HK2: variants seen among roughly 807,000 people sequenced by gnomAD.
HK2 encodes the protein hexokinase 2, also known as hexokinase-2.
HK2 carries 42 observed loss-of-function variants against 92.9 expected under a neutral mutation model. The ratio of observed to expected loss-of-function variants is 0.45; its 90% CI spans 0.35 to 0.58. The LOEUF (loss-of-function observed/expected upper bound fraction) is 0.58, where lower values mean the gene tolerates loss of function less well. Among genes scored for constraint, HK2 ranks in the 20% least tolerant of loss-of-function variants. The pLI is 0.00. For missense variants in HK2, 978 were observed against 1,245.1 expected, an observed-to-expected ratio of 0.79 and a Z score of 3.23; for synonymous variants, 422 against 468.0, an observed-to-expected ratio of 0.90 and a Z score of 1.27.
intron 4 of HK2, among the ~76,000 whole-genome samples, chr2:74,873,005 G>GGA (rs1394365374): frequency 6.6e-6 from 1 of 152,212 alleles, no homozygotes; most frequent in East Asian, 1.9e-4. Flanking sequence ...CTAGGCAATA[G>GGA]GAACTTTTCA....
chr2:74,885,466 C>G (rs371639593), intron 12 of HK2, 28 bp from the exon 13 acceptor site: 2 of 1,547,814 alleles, frequency 1.3e-6, no homozygotes, highest in African/African-American at 1.4e-5. Context: ...TCCCTGATGT[C>G]CTTTCCATGC....
rs1053153284 is a variant in HK2 at position 74,888,182 on chromosome 2, T to C, written c.2375+124T>C. ...AAAAGTCAGTTTAGTGGCAAACACA[T>C]TCATGTCTATAGTGTTTACTAAAAG... On this transcript the variant is annotated intron_variant, in intron 16 of 17. Coordinates refer to ENST00000290573, the MANE Select transcript of HK2 (RefSeq NM_000189.5). 1.8e-5 allele frequency: 18 copies of C among 973,362 alleles called. No homozygotes were observed. The African/African-American group carries it at 2.7e-4, about 15-fold the overall frequency. 60.3% of individuals were successfully genotyped at this position (973,362 alleles called of 1,614,324 possible). A position where few individuals can be genotyped will look rare whatever the true frequency, so the allele number is the denominator to read the frequency against.
In HK2 at chr2:74,887,932, TG is replaced by T. The variant is rs1558806611; in HGVS notation, c.2252del (p.Gly751ValfsTer57). 1 of 1,614,076 alleles carries T rather than the reference TG, an allele frequency of 6.2e-7. No individual in the cohort carries two copies. Among genetic ancestry groups the T allele is most frequent in the South Asian group, 1.1e-5 (1 of 91,074 alleles). On this transcript the variant is annotated frameshift_variant, in exon 16 of 18. Transcript: ENST00000290573. LOFTEE classifies it high-confidence loss of function. ...RFEKMISGMYLGEIVRNILID... is the reference protein window; with the variant it reads ...RFEKMISGMYXGEIVRNILID... Reference sequence around the variant, plus strand: ...GAGAAAATGATCAGTGGAATGTACCTGGGTGAGATTGTCCGTAACATTCTCA... The same window carrying T: ...GAGAAAATGATCAGTGGAATGTACCTGGTGAGATTGTCCGTAACATTCTCA...
chr2:74,884,296 G>A (rs1689470101), intron 12 of HK2, among the ~76,000 whole-genome samples: 2 of 152,210 alleles, frequency 1.3e-5, no homozygotes, highest in African/African-American at 4.8e-5. Context: ...CTTCCTGTGG[G>A]CTCTGGCAAG....
Position 74,882,155 on chromosome 2 carries a change from C to T in HK2, c.1755C>T (p.Phe585=). Residue 585 remains phenylalanine (F), a synonymous_variant, in exon 12 of 18, where the codon TTC becomes TTT. Coordinates refer to ENST00000290573, the MANE Select transcript of HK2 (RefSeq NM_000189.5). ...ACATTGTCCAGTGCATCGCGGACTTCCTCGAGTACATGGGCATGAAGGGCG... is the reference window on the plus strand; with the variant it reads ...ACATTGTCCAGTGCATCGCGGACTTTCTCGAGTACATGGGCATGAAGGGCG... ...FDHIVQCIAD[F]LEYMGMKGVS... is the part of the protein sequence containing the mutation. 1 of 1,614,196 alleles carries T rather than the reference C, an allele frequency of 6.2e-7. No individual in the cohort carries two copies. The highest frequency in any genetic ancestry group is 1.1e-5 in the South Asian group (1 of 91,086).
At chr2:74,846,377 A>G (rs574443419) in intron 1 of HK2, among the ~76,000 whole-genome samples, 11 of 152,300 alleles carry the variant, frequency 7.2e-5, no homozygotes, top group Non-Finnish European at 1.3e-4. Flanking sequence ...TGAAAGCAGC[A>G]GGTAACCACC....
intron 9 of HK2, 110 bp from the exon 10 acceptor site, chr2:74,880,155 T>C (rs1558802888): frequency 1.7e-6 from 2 of 1,173,144 alleles, no homozygotes; most frequent in African/African-American, 3.0e-5. Context: ...CACCCACTCC[T>C]GCAGGTGCCT....
At chr2:74,859,546 C>T (rs1237947511) in intron 2 of HK2, among the ~76,000 whole-genome samples, 1 of 152,034 alleles carries the variant, frequency 6.6e-6, no homozygotes, top group Non-Finnish European at 1.5e-5. Flanking sequence ...ATTAGCCAGG[C>T]GTGGTGGCAG....
Position 74,891,351 on chromosome 2 carries a change from C to G in HK2, c.*410C>G. On this transcript the variant is annotated 3_prime_UTR_variant, in exon 18 of 18. Transcript: ENST00000290573. ...GCATCCCCCAGCACTGATGTTGTTA[C>G]TGATTCTCCTGTCAGAGATCTGGGA... The G allele has an allele frequency of 3.8e-6, 1 of 265,300 alleles. No individual in the cohort carries two copies. Among genetic ancestry groups the G allele is most frequent in the South Asian group, 4.1e-5 (1 of 24,666 alleles). 16.4% of individuals were successfully genotyped at this position (265,300 alleles called of 1,614,324 possible).
At chr2:74,860,992 T>G (rs141402350) in intron 2 of HK2, among the ~76,000 whole-genome samples, 6 of 152,322 alleles carry the variant, frequency 3.9e-5, no homozygotes, top group African/African-American at 1.4e-4. Flanking sequence ...CATCTTGACC[T>G]CTCTGTAGGC....
chr2:74,837,824 C>T (rs562571539), intron 1 of HK2, among the ~76,000 whole-genome samples: 2 of 152,010 alleles, frequency 1.3e-5, no homozygotes, highest in African/African-American at 4.8e-5. Context: ...TACAGGCGTG[C>T]GCCACCATGC....
At chr2:74,860,433 C>A (rs376761759) in intron 2 of HK2, among the ~76,000 whole-genome samples, 22 of 152,338 alleles carry the variant, frequency 1.4e-4, no homozygotes, top group East Asian at 9.6e-4. Context: ...CTGATCCCCC[C>A]AGAGGCAATC....
In HK2 at chr2:74,882,106, A is replaced by C. The variant is rs1411164439; in HGVS notation, c.1720-14A>C. The C allele has an allele frequency of 6.2e-7, 1 of 1,613,820 alleles. No individual in the cohort carries two copies. Among genetic ancestry groups the C allele is most frequent in the Non-Finnish European group, 8.5e-7 (1 of 1,179,910 alleles). On this transcript the variant is annotated splice_polypyrimidine_tract_variant and intron_variant, in intron 11 of 17. Transcript: ENST00000290573. The stretch of plus-strand genomic sequence containing the variant: ...CCAGGGCCCCTCCCTCAGTGTCCTA[A>C]CTTCTCCCTGCAGCTCTTTGACCAC...
intron 1 of HK2, among the ~76,000 whole-genome samples, chr2:74,851,833 G>A (rs1688577386): frequency 6.6e-6 from 1 of 152,160 alleles, no homozygotes; most frequent in Non-Finnish European, 1.5e-5. Flanking sequence ...TCTCCACTGC[G>A]TGCTGTTCAT....
intron 7 of HK2, among the ~76,000 whole-genome samples, chr2:74,876,107 T>C (rs896853129): frequency 1.3e-5 from 2 of 152,248 alleles, no homozygotes; most frequent in Non-Finnish European, 2.9e-5. Context: ...CCTGAAGCTC[T>C]GCCTGTGTGG....
chr2:74,887,675 C>T (rs375038878), intron 15 of HK2, among the ~76,000 whole-genome samples: 1 of 152,116 alleles, frequency 6.6e-6, no homozygotes, highest in East Asian at 1.9e-4. Context: ...TCCCCAGGAG[C>T]CCCACGGGCC....
intron 9 of HK2, 109 bp downstream of exon 9, chr2:74,879,030 A>G (rs1477504261): frequency 2.1e-6 from 2 of 930,718 alleles, no homozygotes; most frequent in Admixed American, 4.0e-5. Flanking sequence ...TGGAGGGACC[A>G]TAGAGCTGAG....
chr2:74,878,574 C>A, intron 8 of HK2, 114 bp from the exon 9 acceptor site: 1 of 829,430 alleles, frequency 1.2e-6, no homozygotes, highest in South Asian at 1.4e-5. Context: ...GGGATTCTGT[C>A]CCCACTGGGT....
In HK2 at chr2:74,838,402, T is replaced by TCCAAAGCATGACCTGAGG. The variant is rs562656655; in HGVS notation, c.63+3780_63+3797dup. On this transcript the variant is annotated intron_variant, in intron 1 of 17. Transcript: ENST00000290573. The stretch of plus-strand genomic sequence containing the variant: ...GGGGTAGTTCGCAGTTATCTCTTCA[T>TCCAAAGCATGACCTGAGG]CCAAAGCATGACCTGAGGCCAAAGC... Among the ~76,000 whole-genome samples, 960 of 152,052 alleles carry TCCAAAGCATGACCTGAGG rather than the reference T, an allele frequency of 6.3e-3. 12 individuals carry two copies. Among genetic ancestry groups the TCCAAAGCATGACCTGAGG allele is most frequent in the African/African-American group, 0.022 (929 of 41,402 alleles).
Sources: gnomAD v4.1 joint callset for allele counts (sites outside exome capture counted in the v4.1 genomes callset) on GRCh38, gnomAD v4.1.1 for gene constraint, MANE v1.5 for transcripts, NCBI Gene and HGNC (gene_info 2026-07-23, HGNC 2026-07-21) for gene names.